The following L3MBTL4 variants were observed in gnomAD, a reference collection of about 807,000 sequenced individuals.
L3MBTL4 encodes the protein L3MBTL histone methyl-lysine binding protein 4.
L3MBTL4 carries 70 observed loss-of-function variants against 84.5 expected under a neutral mutation model. The observed-to-expected ratio is 0.83, with a 90% CI of 0.68 to 1.01. The LOEUF is 1.01. Among genes scored for constraint, L3MBTL4 ranks in the 50% least tolerant of loss-of-function variants. L3MBTL4 has a pLI of 0.00. For synonymous variants in L3MBTL4, 274 were observed against 259.8 expected, an observed-to-expected ratio of 1.05 and a Z score of -0.52; for missense variants, 715 against 754.8, an observed-to-expected ratio of 0.95 and a Z score of 0.62.
At chr18:5,995,808 G>A (rs923795423) in intron 16 of L3MBTL4, among the ~76,000 whole-genome samples, 12 of 152,128 alleles carry the variant, frequency 7.9e-5, no homozygotes, top group African/African-American at 2.9e-4. Context: ...CTACTTAGCA[G>A]GAAAATGCCA....
chr18:6,136,634 T>C (rs958191537), intron 14 of L3MBTL4, among the ~76,000 whole-genome samples: 5 of 152,152 alleles, frequency 3.3e-5, no homozygotes, highest in Non-Finnish European at 5.9e-5. Flanking sequence ...GCCCACTACT[T>C]CACCTACATA....
chr18:5,969,393 C>G lies in L3MBTL4; in HGVS notation c.1614G>C (p.Glu538Asp). ...CTGGCCCCCCAGCAGCTCCACTCAC[C>G]TCATCCACAGTCCAACGTGCCACTT... ...ASQVARWTVD[E>D]VAEFVQSLLG... is the part of the protein sequence containing the mutation. The change falls in exon 17 of 19, where the codon GAG becomes GAC. Residue 538 changes from glutamate (E) to aspartate (D), a missense_variant and splice_region_variant. Physicochemically the swap from Glu to Asp is conservative, Grantham distance 45. Transcript: ENST00000317931. 1.2e-6 allele frequency: 2 copies of G among 1,613,938 alleles called. No homozygotes were observed. The highest frequency in any genetic ancestry group is 1.7e-6 in the Non-Finnish European group (2 of 1,180,016).
At chr18:6,016,960 C>T (rs965487766) in intron 16 of L3MBTL4, among the ~76,000 whole-genome samples, 1 of 151,902 alleles carries the variant, frequency 6.6e-6, no homozygotes, top group African/African-American at 2.4e-5. Flanking sequence ...CCTGACCATC[C>T]GCCTCTCAGG....
intron 16 of L3MBTL4, among the ~76,000 whole-genome samples, chr18:6,051,923 A>T (rs1476610061): frequency 1.3e-5 from 2 of 152,236 alleles, no homozygotes; most frequent in African/African-American, 4.8e-5. Context: ...GCTGGAACAG[A>T]TATCACAGAA....
chr18:6,092,164 C>T (rs1448768364), intron 15 of L3MBTL4, among the ~76,000 whole-genome samples: 3 of 152,200 alleles, frequency 2.0e-5, no homozygotes, highest in Non-Finnish European at 1.5e-5. Flanking sequence ...CACTAATCTA[C>T]AGTCATGTGC....
Position 5,959,293 on chromosome 18 carries a change from C to A in L3MBTL4, c.1677+801G>T, listed in dbSNP as rs937701113. Among the ~76,000 whole-genome samples the A allele has an allele frequency of 7.9e-5, 12 of 152,150 alleles. No individual in the cohort carries two copies. The East Asian group carries it at 1.7e-3, about 22-fold the overall frequency. On this transcript the variant is annotated intron_variant, in intron 18 of 18. Transcript: ENST00000317931. ...CTTGCCCTTTTCTTGCTCTGCCTCA[C>A]CTTCCTGGGCCTGAGCTTCTTCATC...
At chr18:6,006,694 A>G (rs1598416776) in intron 16 of L3MBTL4, among the ~76,000 whole-genome samples, 1 of 152,196 alleles carries the variant, frequency 6.6e-6, no homozygotes, top group Non-Finnish European at 1.5e-5. Flanking sequence ...CAACTGATCT[A>G]GCAGATATTA....
intron 16 of L3MBTL4, among the ~76,000 whole-genome samples, chr18:5,994,231 C>T (rs905999969): frequency 1.3e-5 from 2 of 152,296 alleles, no homozygotes; most frequent in African/African-American, 4.8e-5. Context: ...CTCTACCGGC[C>T]AGGCATCTGC....
intron 16 of L3MBTL4, among the ~76,000 whole-genome samples, chr18:6,008,038 A>G (rs1345117694): frequency 6.6e-6 from 1 of 152,218 alleles, no homozygotes; most frequent in Non-Finnish European, 1.5e-5. Context: ...ATGCTAAGAT[A>G]GTTGTGTTTT....
At chr18:5,964,281 T>C (rs1243724328) in intron 17 of L3MBTL4, among the ~76,000 whole-genome samples, 1 of 152,226 alleles carries the variant, frequency 6.6e-6, no homozygotes, top group Non-Finnish European at 1.5e-5. Context: ...GAGCCCATCC[T>C]GCCAGCCGAC....
At chr18:6,208,016 AG>A (rs2045944278) in intron 12 of L3MBTL4, among the ~76,000 whole-genome samples, 2 of 151,974 alleles carry the variant, frequency 1.3e-5, no homozygotes, top group Admixed American at 6.6e-5. Context: ...CAGGAGGCTG[AG>A]GTGTGAGAAT....
At chr18:6,166,905 A>T (rs949391267) in intron 13 of L3MBTL4, among the ~76,000 whole-genome samples, 33 of 152,206 alleles carry the variant, frequency 2.2e-4, no homozygotes, top group African/African-American at 8.0e-4. Flanking sequence ...TTTTGAAAAG[A>T]TCAACAAAAT....
chr18:5,967,695 C>T (rs1345447181), intron 17 of L3MBTL4, among the ~76,000 whole-genome samples: 2 of 152,216 alleles, frequency 1.3e-5, no homozygotes, highest in African/African-American at 4.8e-5. Flanking sequence ...TGACCTCTGG[C>T]TCAGACCGAG....
At chr18:6,262,841 G>A (rs1030516744) in intron 5 of L3MBTL4, among the ~76,000 whole-genome samples, 11 of 151,888 alleles carry the variant, frequency 7.2e-5, no homozygotes, top group African/African-American at 1.4e-4. Flanking sequence ...TTTCTTCTTC[G>A]CTATACCTCT....
chr18:6,036,889 T>C (rs769807600), intron 16 of L3MBTL4, among the ~76,000 whole-genome samples: 8 of 152,326 alleles, frequency 5.3e-5, no homozygotes, highest in Non-Finnish European at 8.8e-5. Flanking sequence ...GGGCCATACA[T>C]AGTCATTTTC....
chr18:5,999,733 A>G (rs1481349863), intron 16 of L3MBTL4, among the ~76,000 whole-genome samples: 1 of 152,236 alleles, frequency 6.6e-6, no homozygotes, highest in African/African-American at 2.4e-5. Flanking sequence ...GATTGGCTAG[A>G]AGATATGCAG....
At chr18:6,379,434 T>C (rs1322457448) in intron 1 of L3MBTL4, among the ~76,000 whole-genome samples, 1 of 152,240 alleles carries the variant, frequency 6.6e-6, no homozygotes, top group East Asian at 1.9e-4. Context: ...GCCCATTCAG[T>C]ATGATATTGG....
At chr18:6,125,368 G>T (rs113885424) in intron 14 of L3MBTL4, among the ~76,000 whole-genome samples, 2,403 of 152,244 alleles carry the variant, frequency 0.016, 69 homozygotes, top group African/African-American at 0.055. Flanking sequence ...ACAGGAAAAG[G>T]CTCTTGGATG....
intron 1 of L3MBTL4, among the ~76,000 whole-genome samples, chr18:6,378,064 A>C (rs144100786): frequency 0.023 from 3,519 of 152,294 alleles, 55 homozygotes; most frequent in Middle Eastern, 0.092. Flanking sequence ...CATTTCTCTG[A>C]TGACCAGTGA....
Sources: gnomAD v4.1 joint callset for allele counts (sites outside exome capture counted in the v4.1 genomes callset) on GRCh38, gnomAD v4.1.1 for gene constraint, MANE v1.5 for transcripts, NCBI Gene and HGNC (gene_info 2026-07-23, HGNC 2026-07-21) for gene names.